GRM7: variants seen among roughly 807,000 people sequenced by gnomAD.
GRM7 encodes the protein metabotropic glutamate receptor 7.
Under a neutral mutation model 84.5 loss-of-function variants are expected in GRM7, and 35 were observed. The ratio of observed to expected loss-of-function variants is 0.41; its 90% CI spans 0.32 to 0.55. The LOEUF (loss-of-function observed/expected upper bound fraction) is 0.55, where lower values mean the gene tolerates loss of function less well. GRM7 is among the 20% of genes least tolerant of loss of function. The probability of loss-of-function intolerance (pLI) is 0.19; values close to 1 mark genes in which losing one functional copy is unlikely to be tolerated. For missense variants in GRM7, 1,003 were observed against 1,194.6 expected, an observed-to-expected ratio of 0.84 and a Z score of 2.36; for synonymous variants, 487 against 455.1, an observed-to-expected ratio of 1.07 and a Z score of -0.89.
intron 1 of GRM7, among the ~76,000 whole-genome samples, chr3:6,934,156 C>T (rs1441941867): frequency 6.6e-6 from 1 of 152,092 alleles, no homozygotes; most frequent in Non-Finnish European, 1.5e-5. Context: ...TAATTATAAT[C>T]TATTATTCAT....
At chr3:7,481,072 T>C (rs1341439241) in intron 7 of GRM7, among the ~76,000 whole-genome samples, 1 of 146,756 alleles carries the variant, frequency 6.8e-6, no homozygotes, top group Non-Finnish European at 1.5e-5. Flanking sequence ...ACAAAGTCTT[T>C]ATTGGTTTTT....
intron 2 of GRM7, among the ~76,000 whole-genome samples, chr3:7,197,729 C>A (rs1445684127): frequency 1.3e-5 from 2 of 150,842 alleles, no homozygotes; most frequent in African/African-American, 2.4e-5. Flanking sequence ...TAACCAGGAA[C>A]AACTTCAAGT....
At chr3:7,084,333 A>C (rs1698371968) in intron 1 of GRM7, among the ~76,000 whole-genome samples, 1 of 152,118 alleles carries the variant, frequency 6.6e-6, no homozygotes, top group Admixed American at 6.6e-5. Flanking sequence ...CAGAGACTGT[A>C]GAGGTAGGTA....
At chr3:6,896,734 G>T (rs780830564) in intron 1 of GRM7, among the ~76,000 whole-genome samples, 1 of 151,322 alleles carries the variant, frequency 6.6e-6, no homozygotes, top group African/African-American at 2.4e-5. Context: ...TTTGTGTGCA[G>T]GCTGAAGATT....
At chr3:7,649,871 G>C (rs1698845840) in intron 8 of GRM7, among the ~76,000 whole-genome samples, 3 of 151,664 alleles carry the variant, frequency 2.0e-5, no homozygotes, top group African/African-American at 7.3e-5. Flanking sequence ...TCTTTAACAA[G>C]AAGAGATGTT....
intron 2 of GRM7, among the ~76,000 whole-genome samples, chr3:7,234,475 A>G (rs1697288581): frequency 6.6e-6 from 1 of 152,206 alleles, no homozygotes. Context: ...TGTGATTGTA[A>G]TAAGATAATG....
In GRM7 at chr3:6,947,059, G is replaced by A. The variant is rs1184547263; in HGVS notation, c.519+85152G>A. Among the ~76,000 whole-genome samples the A allele has an allele frequency of 3.9e-5, 6 of 152,240 alleles. No individual in the cohort carries two copies. In the South Asian group the frequency reaches 1.2e-3, roughly 32 times the overall value. ...TGCCCTTTATTTCCTTATCCTGCCT[G>A]ATTGCCCTGGCCAGAACTTCCAACA... On this transcript the variant is annotated intron_variant, in intron 1 of 9. Transcript: ENST00000357716.
chr3:6,991,642 A>G (rs1186596306), intron 1 of GRM7, among the ~76,000 whole-genome samples: 1 of 152,170 alleles, frequency 6.6e-6, no homozygotes, highest in Non-Finnish European at 1.5e-5. Flanking sequence ...TTATTGAGGA[A>G]TAATTGACAA....
chr3:7,158,718 T>A (rs1034702054), intron 2 of GRM7, among the ~76,000 whole-genome samples: 2 of 152,154 alleles, frequency 1.3e-5, no homozygotes, highest in Non-Finnish European at 2.9e-5. Flanking sequence ...AATAAACATT[T>A]GTTGATGTAG....
chr3:7,072,519 A>G (rs1697919842), intron 1 of GRM7, among the ~76,000 whole-genome samples: 1 of 151,906 alleles, frequency 6.6e-6, no homozygotes, highest in African/African-American at 2.4e-5. Flanking sequence ...CTGTCTCTAC[A>G]AAAAGATAGA....
At chr3:7,549,248 A>G (rs1693323569) in intron 7 of GRM7, among the ~76,000 whole-genome samples, 3 of 152,268 alleles carry the variant, frequency 2.0e-5, no homozygotes, top group Admixed American at 6.5e-5. Context: ...ATCACTTCCT[A>G]ATTATTTCAC....
intron 4 of GRM7, among the ~76,000 whole-genome samples, chr3:7,376,333 A>G (rs977553024): frequency 6.6e-6 from 1 of 152,128 alleles, no homozygotes; most frequent in African/African-American, 2.4e-5. Context: ...GTCCACTCTT[A>G]TAGATGCTAT....
At chr3:6,969,059 T>A (rs1693634621) in intron 1 of GRM7, among the ~76,000 whole-genome samples, 1 of 151,738 alleles carries the variant, frequency 6.6e-6, no homozygotes, top group South Asian at 2.1e-4. Context: ...GTTACACCAC[T>A]AAAATCAGGA....
intron 1 of GRM7, among the ~76,000 whole-genome samples, chr3:7,058,397 G>T (rs1405982566): frequency 1.3e-5 from 2 of 151,720 alleles, no homozygotes; most frequent in African/African-American, 4.8e-5. Context: ...ATATCACATT[G>T]ATTATGTTTA....
At chr3:7,416,121 A>G (rs1280034715) in intron 5 of GRM7, among the ~76,000 whole-genome samples, 2 of 152,114 alleles carry the variant, frequency 1.3e-5, no homozygotes, top group Admixed American at 6.6e-5. Flanking sequence ...TGAAAAACAG[A>G]AAAAACATGA....
intron 1 of GRM7, among the ~76,000 whole-genome samples, chr3:6,926,857 G>A (rs1345870367): frequency 2.0e-5 from 3 of 152,130 alleles, no homozygotes; most frequent in Non-Finnish European, 4.4e-5. Context: ...TAGAGTTGCG[G>A]CAAACATCTT....
In GRM7 at chr3:7,188,166, G is replaced by A. The variant is rs560163505; in HGVS notation, c.736+41498G>A. Among the ~76,000 whole-genome samples the A allele has an allele frequency of 3.4e-4, 52 of 152,152 alleles. No individual in the cohort carries two copies. Among genetic ancestry groups the A allele is most frequent in the African/African-American group, 1.2e-3 (48 of 41,526 alleles). Reference sequence around the variant, plus strand: ...CTATGACGTGAGAAAGGGACCTGTCGGAAGTGAGGAATGAAGAGATGCTTT... The same window carrying A: ...CTATGACGTGAGAAAGGGACCTGTCAGAAGTGAGGAATGAAGAGATGCTTT... On this transcript the variant is annotated intron_variant, in intron 2 of 9. Transcript: ENST00000357716. The surrounding 1 kb of genome is among the most constrained non-coding windows in gnomAD (Gnocchi z 4.2).
chr3:6,865,665 G>T lies in GRM7; in HGVS notation c.519+3758G>T, dbSNP rs972033391. On this transcript the variant is annotated intron_variant, in intron 1 of 9. Transcript: ENST00000357716. ...CTTGTATCATAAATGAAATGCTTTA[G>T]TAAATGTGTCAATGTTTTCCTTCTG... Among the ~76,000 whole-genome samples the T allele has an allele frequency of 2.0e-5, 3 of 151,830 alleles. No individual in the cohort carries two copies. The South Asian group carries it at 6.2e-4, about 31-fold the overall frequency.
intron 9 of GRM7, among the ~76,000 whole-genome samples, chr3:7,695,797 C>G (rs1700994399): frequency 6.6e-6 from 1 of 152,180 alleles, no homozygotes; most frequent in Non-Finnish European, 1.5e-5. Flanking sequence ...ATGCTTAAAA[C>G]AGTGATTGGC....
Sources: gnomAD v4.1 joint callset for allele counts (sites outside exome capture counted in the v4.1 genomes callset) on GRCh38, gnomAD v4.1.1 for gene constraint, Gnocchi (gnomAD v3.1) non-coding constraint, MANE v1.5 for transcripts, NCBI Gene and HGNC (gene_info 2026-07-23, HGNC 2026-07-21) for gene names.